RUNX3: variants seen among roughly 807,000 people sequenced by gnomAD.
The protein encoded by RUNX3 is RUNX family transcription factor 3, also known as runt-related transcription factor 3.
In RUNX3, 10 loss-of-function variants were observed where a neutral mutation model predicts 27.7. The observed-to-expected ratio is 0.36, with a 90% CI of 0.22 to 0.61. The LOEUF (loss-of-function observed/expected upper bound fraction) is 0.61. RUNX3 is among the 20% of genes least tolerant of loss of function. The pLI is 0.72. For synonymous variants in RUNX3, 270 were observed against 269.2 expected, an observed-to-expected ratio of 1.00 and a Z score of -0.03; for missense variants, 469 against 629.5, an observed-to-expected ratio of 0.75 and a Z score of 2.73.
intron 2 of RUNX3, among the ~76,000 whole-genome samples, chr1:24,958,991 G>A (rs1011597757): frequency 4.6e-5 from 7 of 152,220 alleles, no homozygotes; most frequent in Admixed American, 1.3e-4. Context: ...CAGAGCCCAG[G>A]CCTGTTTCCC....
At chr1:24,951,713 A>G (rs1365951115) in intron 2 of RUNX3, among the ~76,000 whole-genome samples, 3 of 152,176 alleles carry the variant, frequency 2.0e-5, no homozygotes, top group Admixed American at 1.3e-4. Context: ...CCATTAATTC[A>G]TAGCTACTGT....
chr1:24,933,979 G>A (rs1488324839), upstream of RUNX3, among the ~76,000 whole-genome samples: 2 of 152,226 alleles, frequency 1.3e-5, no homozygotes, highest in East Asian at 3.8e-4. Context: ...ACTCAAAGGG[G>A]ACATTCATGC....
intron 2 of RUNX3, chr1:24,961,231 C>T (rs139239899): frequency 5.9e-4 from 90 of 152,354 alleles, no homozygotes; most frequent in African/African-American, 2.0e-3. Flanking sequence ...CTGGATCTCT[C>T]CCTTGCTGCC....
chr1:24,933,256 G>A (rs901912010), upstream of RUNX3, among the ~76,000 whole-genome samples: 1 of 152,178 alleles, frequency 6.6e-6, no homozygotes, highest in Non-Finnish European at 1.5e-5. Flanking sequence ...CACCCACAGC[G>A]CTCTAGGGAA....
chr1:24,907,509 G>T, intron 3 of RUNX3, 92 bp from the exon 4 acceptor site: 2 of 1,358,328 alleles, frequency 1.5e-6, no homozygotes, highest in Non-Finnish European at 2.0e-6. Flanking sequence ...TCTTCCTGAG[G>T]TCTGACCTTA....
chr1:24,944,752 A>C (rs964882971), intron 2 of RUNX3, among the ~76,000 whole-genome samples: 1 of 152,224 alleles, frequency 6.6e-6, no homozygotes. Context: ...GCTATGAGCC[A>C]TGGAAAGCAG....
intron 2 of RUNX3, among the ~76,000 whole-genome samples, chr1:24,921,103 G>A (rs947356221): frequency 1.3e-5 from 2 of 152,182 alleles, no homozygotes; most frequent in African/African-American, 4.8e-5. Flanking sequence ...CAAGGAGAGA[G>A]GCTGCCCAAG....
chr1:24,949,646 G>T (rs1354793039), intron 2 of RUNX3, among the ~76,000 whole-genome samples: 1 of 152,256 alleles, frequency 6.6e-6, no homozygotes, highest in Non-Finnish European at 1.5e-5. Flanking sequence ...GCCTCTGTGA[G>T]CTTTTCATTC....
At chr1:24,963,618 T>G (rs879377285) in intron 2 of RUNX3, among the ~76,000 whole-genome samples, 2 of 152,164 alleles carry the variant, frequency 1.3e-5, no homozygotes, top group African/African-American at 2.4e-5. Flanking sequence ...CACTGAGCCG[T>G]GGGACTTGAG....
chr1:24,908,222 CTGAA>C lies in RUNX3; in HGVS notation c.545-809_545-806del, dbSNP rs1557837370. Among the ~76,000 whole-genome samples the C allele has an allele frequency of 1.2e-3, 182 of 148,296 alleles. 5 individuals are homozygous for C. The highest frequency in any genetic ancestry group is 4.3e-3 in the African/African-American group (169 of 39,106). ...CCGAACCTCTACGACACGCGGTGAT[CTGAA>C]CCTCTATGACACGCGGTGATCTGAA... On this transcript the variant is annotated intron_variant, in intron 3 of 4. Transcript: ENST00000308873.
At chr1:24,912,583 A>C (rs1290044350) in intron 3 of RUNX3, among the ~76,000 whole-genome samples, 1 of 151,838 alleles carries the variant, frequency 6.6e-6, no homozygotes, top group Non-Finnish European at 1.5e-5. Context: ...AATCATCAAA[A>C]CGGCAGCAGA....
intron 3 of RUNX3, among the ~76,000 whole-genome samples, chr1:24,912,416 C>T (rs1208965391): frequency 6.6e-6 from 1 of 152,140 alleles, no homozygotes; most frequent in Non-Finnish European, 1.5e-5. Context: ...TCTTCAGAGC[C>T]TCAGCTCAGG....
rs1342863424 is a variant in RUNX3 at position 24,904,930 on chromosome 1, A to G, written c.704-2264T>C. On this transcript the variant is annotated intron_variant, in intron 4 of 4. Transcript: ENST00000308873. The surrounding 1 kb of genome is among the most constrained non-coding windows in gnomAD (Gnocchi z 5.7). The stretch of plus-strand genomic sequence containing the variant: ...GGGCACTGTCGAGTGGCCAATCCCA[A>G]CAGTGGAAAGAAATGTTTATTTTCT... 1.3e-5 allele frequency among the ~76,000 whole-genome samples: 2 copies of G among 152,278 alleles called. No homozygotes were observed. The highest frequency in any genetic ancestry group is 3.9e-4 in the East Asian group (2 of 5,176).
rs1173739059 is a variant in RUNX3 at position 24,929,954 on chromosome 1, C to G, written c.-86G>C. The G allele has an allele frequency of 8.3e-7, 1 of 1,204,872 alleles. No homozygotes were observed. The highest frequency in any genetic ancestry group is 1.0e-6 in the Non-Finnish European group (1 of 972,240). The allele number at this position is 1,204,872 out of a possible 1,614,324, so 74.6% of individuals were successfully genotyped here. A position where few individuals can be genotyped will look rare whatever the true frequency, so the allele number is the denominator to read the frequency against. On this transcript the variant is annotated 5_prime_UTR_variant, in exon 1 of 5. Coordinates refer to ENST00000308873, the MANE Select transcript of RUNX3 (RefSeq NM_004350.3). ...GGCGCGGGCGCCTCCTCGGCCGCCG[C>G]TGCCGCGAGAAGCGGGAAAGCAGAA...
At chr1:24,907,446 T>C in intron 3 of RUNX3, 29 bp from the exon 4 acceptor site, 1 of 1,596,392 alleles carries the variant, frequency 6.3e-7, no homozygotes, top group Non-Finnish European at 8.6e-7. Flanking sequence ...CCATCAGCCG[T>C]TGCTTCCCCA....
rs1641184214 is a variant in RUNX3 at position 24,929,952 on chromosome 1, C to G, written c.-84G>C. 1 of 1,211,296 alleles carries G rather than the reference C, an allele frequency of 8.3e-7. No individual in the cohort carries two copies. Among genetic ancestry groups the G allele is most frequent in the Non-Finnish European group, 1.0e-6 (1 of 976,444 alleles). The allele number at this position is 1,211,296 out of a possible 1,614,324, so 75.0% of individuals were successfully genotyped here. On this transcript the variant is annotated 5_prime_UTR_variant, in exon 1 of 5. Coordinates refer to ENST00000308873, the MANE Select transcript of RUNX3 (RefSeq NM_004350.3). ...CCGGCGCGGGCGCCTCCTCGGCCGC[C>G]GCTGCCGCGAGAAGCGGGAAAGCAG...
At chr1:24,942,645 C>T (rs1345434884) in intron 2 of RUNX3, among the ~76,000 whole-genome samples, 2 of 152,174 alleles carry the variant, frequency 1.3e-5, no homozygotes. Flanking sequence ...GCCTTCTCCC[C>T]ACTCCTCTGC....
At chr1:24,924,776 C>T (rs74063013) in intron 2 of RUNX3, among the ~76,000 whole-genome samples, 7,247 of 152,256 alleles carry the variant, frequency 0.048, 512 homozygotes, top group African/African-American at 0.16. Flanking sequence ...ATTATTTATA[C>T]ATTTCAACGT....
rs112192267 is a variant in RUNX3 at position 24,940,900 on chromosome 1, C to T, written c.59-11048G>A. Among the ~76,000 whole-genome samples, 1,393 of 152,192 alleles carry T rather than the reference C, an allele frequency of 9.2e-3. 24 individuals carry two copies. Among genetic ancestry groups the T allele is most frequent in the African/African-American group, 0.031 (1,301 of 41,500 alleles). On this transcript the variant is annotated intron_variant, in intron 2 of 6. Coordinates refer to the RUNX3 transcript ENST00000338888. ...GTAGATAGATGTCTGCTTTATTCTT[C>T]TTCTTTAAACAATACTTATATTTTA...
Sources: gnomAD v4.1 joint callset for allele counts (sites outside exome capture counted in the v4.1 genomes callset) on GRCh38, gnomAD v4.1.1 for gene constraint, Gnocchi (gnomAD v3.1) non-coding constraint, MANE v1.5 for transcripts, NCBI Gene and HGNC (gene_info 2026-07-23, HGNC 2026-07-21) for gene names.